RRBP1: variants seen among roughly 807,000 people sequenced by gnomAD.
RRBP1 encodes the protein ribosome binding protein 1, also known as ribosome-binding protein 1.
Under a neutral mutation model 165.2 loss-of-function variants are expected in RRBP1, and 94 were observed. The observed-to-expected ratio is 0.57, with a 90% confidence interval of 0.48 to 0.68. The LOEUF is 0.68. Among genes scored for constraint, RRBP1 ranks in the 30% least tolerant of loss-of-function variants. The probability of loss-of-function intolerance (pLI) is 0.00; values close to 1 mark genes in which losing one functional copy is unlikely to be tolerated. For synonymous variants in RRBP1, 680 were observed against 714.5 expected, an observed-to-expected ratio of 0.95 and a Z score of 0.77; for missense variants, 1,676 against 1,763.0, an observed-to-expected ratio of 0.95 and a Z score of 0.88.
chr20:17,629,825 GC>G lies in RRBP1; in HGVS notation c.2746del (p.Ala916ProfsTer21). The G allele has an allele frequency of 6.3e-7, 1 of 1,596,846 alleles. No individual in the cohort carries two copies. The highest frequency in any genetic ancestry group is 8.5e-7 in the Non-Finnish European group (1 of 1,178,192). Reference protein sequence around the residue: ...EKAQEQQQQMAELHSKLQSSE... With the variant: ...EKAQEQQQQMXELHSKLQSSE... ...GGCCCCACTGCCGCCGCCCTTACCG[GC>G]CATCTGCTGCTGTTGCTCCTGGGCC... On this transcript the variant is annotated frameshift_variant, in exon 9 of 25. Coordinates refer to ENST00000377813, the MANE Select transcript of RRBP1 (RefSeq NM_001365613.2). LOFTEE classifies it high-confidence loss of function.
At position 17,619,638 on chromosome 20, in the gene RRBP1, C is replaced by A. The variant is rs746820251; in HGVS notation, c.3670G>T (p.Ala1224Ser). The change falls in exon 19 of 25, where the codon GCA becomes TCA. Residue 1224 changes from alanine to serine, a missense_variant. Physicochemically the swap from Ala to Ser is moderately conservative, Grantham distance 99. Transcript: ENST00000377813. The part of the protein sequence containing the change: ...AECQNYAKEV[A>S]GLRQLLLESQ... ...TCCTTGGGGGGCAGACTCACCCCTG[C>A]CACCTCCTTGGCGTAGTTCTGGCAC... 17 of 1,610,484 alleles carry A rather than the reference C, an allele frequency of 1.1e-5. No homozygotes were observed. Among genetic ancestry groups the A allele is most frequent in the Non-Finnish European group, 1.3e-5 (15 of 1,178,480 alleles).
At chr20:17,647,699 A>G (rs1422768050) in intron 3 of RRBP1, among the ~76,000 whole-genome samples, 1 of 152,206 alleles carries the variant, frequency 6.6e-6, no homozygotes, top group African/African-American at 2.4e-5. Context: ...AACCTGAAAC[A>G]GCATGGACTT....
In RRBP1 at chr20:17,638,731, G is replaced by A. The variant is rs532621779; in HGVS notation, c.2185-2002C>T. The stretch of plus-strand genomic sequence containing the variant: ...TTCCTGATGGTGGTGGGGGGGTTCC[G>A]GCGCACAAGAAGACAAGGCTTGGCA... On this transcript the variant is annotated intron_variant, in intron 5 of 24. Coordinates refer to ENST00000377813, the MANE Select transcript of RRBP1 (RefSeq NM_001365613.2). Among the ~76,000 whole-genome samples the A allele has an allele frequency of 5.3e-5, 8 of 152,150 alleles. No homozygotes were observed. In the Middle Eastern group the frequency reaches 0.014, roughly 259 times the overall value.
Position 17,627,528 on chromosome 20 carries a change from C to G in RRBP1, c.2904G>C (p.Gln968His). The G allele has an allele frequency of 6.2e-7, 1 of 1,611,976 alleles. No individual in the cohort carries two copies. The highest frequency in any genetic ancestry group is 1.3e-5 in the African/African-American group (1 of 75,040). The change falls in exon 10 of 25, where the codon CAG becomes CAC. Residue 968 changes from glutamine (Q) to histidine (H), a missense_variant. Physicochemically the swap from Gln to His is conservative, Grantham distance 24. Coordinates refer to ENST00000377813, the MANE Select transcript of RRBP1 (RefSeq NM_001365613.2). ...RSIEALLEAG[Q>H]ARDAQDVQAS... Reference sequence around the variant, plus strand: ...CCTGGACGTCCTGGGCATCCCGCGCCTGGCCCGCCTCCAGCAGGGCCTCAA... The same window carrying G: ...CCTGGACGTCCTGGGCATCCCGCGCGTGGCCCGCCTCCAGCAGGGCCTCAA...
rs763639278 is a variant in RRBP1 at position 17,658,853 on chromosome 20, G to C, written c.1655C>G (p.Ser552Trp). The change falls in exon 3 of 25, where the codon TCG becomes TGG. Residue 552 changes from serine to tryptophan, a missense_variant. Physicochemically the swap from Ser to Trp is radical, Grantham distance 177. Coordinates refer to ENST00000377813, the MANE Select transcript of RRBP1 (RefSeq NM_001365613.2). ...TACCTTTGTGCCCTGATTAGCAACC[G>C]AATCTGCCTTTTTGCCCTGGATGGG... ...GAPIQGKKAD[S>W]VANQGTKVEG... The C allele has an allele frequency of 5.6e-6, 9 of 1,613,758 alleles. No individual in the cohort carries two copies. The highest frequency in any genetic ancestry group is 1.1e-5 in the South Asian group (1 of 91,076).
intron 2 of RRBP1, among the ~76,000 whole-genome samples, chr20:17,663,091 T>G (rs1232564638): frequency 1.3e-5 from 2 of 152,204 alleles, no homozygotes; most frequent in Non-Finnish European, 2.9e-5. Flanking sequence ...TCACCCTCAC[T>G]GAGGCTCCAT....
chr20:17,629,040 C>A (rs1339297016), intron 9 of RRBP1, among the ~76,000 whole-genome samples: 1 of 152,244 alleles, frequency 6.6e-6, no homozygotes, highest in African/African-American at 2.4e-5. Context: ...CAGAGCTGAG[C>A]AGTTGTGACA....
rs369358530 is a variant in RRBP1, at chr20:17,636,735, G to T, written c.2185-6C>A. 23 of 1,612,476 alleles carry T rather than the reference G, an allele frequency of 1.4e-5. No homozygotes were observed. The highest frequency in any genetic ancestry group is 1.9e-5 in the Non-Finnish European group (22 of 1,180,028). ...GCCTTTTCTGCTGCCATCTCCTGGG[G>T]GGAAAGTAGCAGAGAGAGGGGCTGG... is the stretch of plus-strand genomic sequence containing the variant. On this transcript the variant is annotated splice_polypyrimidine_tract_variant and splice_region_variant and intron_variant, in intron 5 of 24. Coordinates refer to ENST00000377813, the MANE Select transcript of RRBP1 (RefSeq NM_001365613.2).
At chr20:17,672,768 T>G (rs2037000988) in intron 2 of RRBP1, among the ~76,000 whole-genome samples, 1 of 152,240 alleles carries the variant, frequency 6.6e-6, no homozygotes, top group African/African-American at 2.4e-5. Context: ...CCTACAGTAA[T>G]GTGAATAAAC....
At chr20:17,627,279 GC>G (rs2036044326) in intron 11 of RRBP1, 68 bp downstream of exon 11, 20 of 1,536,296 alleles carry the variant, frequency 1.3e-5, no homozygotes, top group South Asian at 1.1e-4. Context: ...GAAAACCCTG[GC>G]CCCCCAAGGG....
Position 17,629,945 on chromosome 20 carries a change from C to T in RRBP1, c.2627G>A (p.Ser876Asn). 1 of 1,598,602 alleles carries T rather than the reference C, an allele frequency of 6.3e-7. No individual in the cohort carries two copies. Among genetic ancestry groups the T allele is most frequent in the Non-Finnish European group, 8.5e-7 (1 of 1,178,466 alleles). ...CAGGCGCTTCTGCAGGGCCTCCTCACTCTCCCTGTGGGACGCCTGGGGACG... is the reference window on the plus strand; with the variant it reads ...CAGGCGCTTCTGCAGGGCCTCCTCATTCTCCCTGTGGGACGCCTGGGGACG... Reference protein sequence around the residue: ...VLQLQASHRESEEALQKRLDE... With the variant: ...VLQLQASHRENEEALQKRLDE... Residue 876 changes from serine to asparagine, a missense_variant, in exon 9 of 25, where the codon AGT becomes AAT. Physicochemically the swap from Ser to Asn is conservative, Grantham distance 46. Transcript: ENST00000377813.
chr20:17,660,954 C>T (rs2036755089), intron 2 of RRBP1, among the ~76,000 whole-genome samples: 1 of 151,894 alleles, frequency 6.6e-6, no homozygotes, highest in Non-Finnish European at 1.5e-5. Flanking sequence ...TAGACAGTGA[C>T]ACTCTGTCAT....
At chr20:17,649,515 G>A (rs1314744943) in intron 3 of RRBP1, among the ~76,000 whole-genome samples, 1 of 149,596 alleles carries the variant, frequency 6.7e-6, no homozygotes, top group Non-Finnish European at 1.5e-5. Flanking sequence ...GGAGAGCAGT[G>A]GCGTCAGACC....
chr20:17,651,054 G>A (rs574418544), intron 3 of RRBP1, among the ~76,000 whole-genome samples: 1 of 152,290 alleles, frequency 6.6e-6, no homozygotes, highest in East Asian at 1.9e-4. Context: ...ACACGGGGAA[G>A]CTTCCATTCT....
In RRBP1 at chr20:17,660,044, G is replaced by C. The variant is rs145994782; in HGVS notation, c.464C>G (p.Ser155Cys). ...KVAKVEPAVS[S>C]VVNSIQVLTS... ...GAGAACCTGGATGGAATTCACTACA[G>C]AGCTGACAGCTGGTTCCACTTTTGC... The change falls in exon 3 of 25, where the codon TCT becomes TGT. Residue 155 changes from serine to cysteine, a missense_variant. This residue lies in a region of RRBP1 where 392 missense variants were observed against 382.5 expected (regional missense o/e 1.02). Coordinates refer to ENST00000377813, the MANE Select transcript of RRBP1 (RefSeq NM_001365613.2). 3.7e-6 allele frequency: 6 copies of C among 1,613,710 alleles called. No individual in the cohort carries two copies. Among genetic ancestry groups the C allele is most frequent in the African/African-American group, 2.7e-5 (2 of 75,056 alleles).
intron 8 of RRBP1, among the ~76,000 whole-genome samples, chr20:17,630,637 G>C (rs940026077): frequency 5.9e-5 from 9 of 152,182 alleles, no homozygotes; most frequent in African/African-American, 1.4e-4. Context: ...GTCCCAGTCG[G>C]TGCTCCACAG....
In RRBP1 at chr20:17,621,647, A is replaced by G; in HGVS notation, c.3324+43T>C. The G allele has an allele frequency of 1.9e-6, 3 of 1,602,500 alleles. No individual in the cohort carries two copies. The South Asian group carries it at 3.3e-5, about 18-fold the overall frequency. On this transcript the variant is annotated intron_variant, in intron 15 of 24. Transcript: ENST00000377813. ...TGGGGCAGCCCCTCTTCCTGGGGAC[A>G]GGGGAGCCCAACAGAGGAGCCTTGC...
intron 3 of RRBP1, among the ~76,000 whole-genome samples, chr20:17,644,360 C>T (rs1451143446): frequency 2.6e-5 from 4 of 152,132 alleles, no homozygotes; most frequent in Non-Finnish European, 4.4e-5. Context: ...CACTGAAATA[C>T]GTGTATGTAC....
rs770088879 is a variant in RRBP1 at position 17,658,664 on chromosome 20, C to A, written c.1844G>T (p.Ser615Ile). ...VQGRNTDVAQ[S>I]PEAPKQEAPA... is the part of the protein sequence containing the mutation. ...AGCCTCTTGCTTTGGTGCCTCTGGG[C>A]TCTGGGCCACATCTGTATTTCTGCC... The change falls in exon 3 of 25, where the codon AGC (serine) becomes ATC (isoleucine). Residue 615 changes from serine (S) to isoleucine (I), a missense_variant. Coordinates refer to ENST00000377813, the MANE Select transcript of RRBP1 (RefSeq NM_001365613.2). 10 of 1,614,080 alleles carry A rather than the reference C, an allele frequency of 6.2e-6. No individual in the cohort carries two copies. The highest frequency in any genetic ancestry group is 8.5e-6 in the Non-Finnish European group (10 of 1,180,050).
Sources: allele counts gnomAD v4.1 joint callset (sites outside exome capture counted in the v4.1 genomes callset), GRCh38; gene constraint gnomAD v4.1.1; regional missense constraint gnomAD v4.1.1; transcripts MANE v1.5; gene names NCBI Gene and HGNC (gene_info 2026-07-23, HGNC 2026-07-21).